Variants in HHAT observed in about 807,000 individuals in gnomAD.
HHAT encodes hedgehog acyltransferase.
In HHAT, 47 loss-of-function variants were observed where a neutral mutation model predicts 70.8. That is an observed-to-expected ratio of 0.66 (90% CI 0.53 to 0.85). The LOEUF (loss-of-function observed/expected upper bound fraction) is 0.85, where lower values mean the gene tolerates loss of function less well. Among genes scored for constraint, HHAT ranks in the 40% least tolerant of loss-of-function variants. The probability of loss-of-function intolerance (pLI) is 0.00; values close to 1 mark genes in which losing one functional copy is unlikely to be tolerated. For synonymous variants in HHAT, 228 were observed against 247.6 expected, an observed-to-expected ratio of 0.92 and a Z score of 0.74; for missense variants, 609 against 604.8, an observed-to-expected ratio of 1.01 and a Z score of -0.07.
intron 3 of HHAT, among the ~76,000 whole-genome samples, chr1:210,382,820 T>G (rs2090746749): frequency 6.6e-6 from 1 of 151,994 alleles, no homozygotes; most frequent in Non-Finnish European, 1.5e-5. Context: ...AGTCAAATAG[T>G]GTTGTGGGGC....
intron 11 of HHAT, among the ~76,000 whole-genome samples, chr1:210,661,536 C>T (rs1439551390): frequency 1.3e-5 from 2 of 152,214 alleles, no homozygotes; most frequent in Non-Finnish European, 2.9e-5. Flanking sequence ...TTTGACCCAG[C>T]CATCCCATTA....
chr1:210,607,731 CT>C (rs1291802257), intron 10 of HHAT, among the ~76,000 whole-genome samples: 72 of 146,702 alleles, frequency 4.9e-4, no homozygotes, highest in Admixed American at 6.1e-4. Flanking sequence ...GTTTTCTTTT[CT>C]TTTTTTTTTT....
At chr1:210,549,125 A>ATT (rs879475456) in intron 9 of HHAT, among the ~76,000 whole-genome samples, 13 of 132,444 alleles carry the variant, frequency 9.8e-5, no homozygotes, top group East Asian at 4.0e-4. Flanking sequence ...AAATTGGGAT[A>ATT]ATAACGGCAT....
intron 11 of HHAT, among the ~76,000 whole-genome samples, chr1:210,671,077 G>A (rs2148984142): frequency 6.6e-6 from 1 of 152,306 alleles, no homozygotes; most frequent in East Asian, 1.9e-4. Flanking sequence ...ACAGCCCTGT[G>A]TGTTACGCGG....
rs117866908 is a variant in HHAT, at chr1:210,465,095, T to C, written c.1007+440T>C. ...CTAAATCTAAGTTTCATTTTTCTTA[T>C]CTCTTAAACAGTAGTAAAGATAATC... On this transcript the variant is annotated intron_variant, in intron 8 of 11. Transcript: ENST00000261458. Among the ~76,000 whole-genome samples, 39 of 152,340 alleles carry C rather than the reference T, an allele frequency of 2.6e-4. No individual in the cohort carries two copies. The East Asian group carries it at 7.3e-3, about 29-fold the overall frequency.
At chr1:210,669,934 TG>T (rs1299720730) in intron 11 of HHAT, among the ~76,000 whole-genome samples, 2 of 145,994 alleles carry the variant, frequency 1.4e-5, no homozygotes, top group Non-Finnish European at 3.0e-5. Context: ...ATAAAAGGAA[TG>T]GGGGTTGGGA....
intron 9 of HHAT, among the ~76,000 whole-genome samples, chr1:210,567,362 G>GGTTA (rs1246740015): frequency 6.6e-6 from 1 of 152,196 alleles, no homozygotes; most frequent in Non-Finnish European, 1.5e-5. Context: ...AGGGAAGTAA[G>GGTTA]TAACCTCTCT....
At chr1:210,347,265 G>A (rs2086606878) in intron 1 of HHAT, among the ~76,000 whole-genome samples, 1 of 151,982 alleles carries the variant, frequency 6.6e-6, no homozygotes, top group South Asian at 2.1e-4. Context: ...TTTTGCTCTG[G>A]CTCAGTTATT....
chr1:210,543,355 T>C (rs998538267), intron 9 of HHAT, among the ~76,000 whole-genome samples: 3 of 152,116 alleles, frequency 2.0e-5, no homozygotes, highest in Non-Finnish European at 2.9e-5. Flanking sequence ...TTTTTCTTTT[T>C]TTTTTTCCTT....
intron 3 of HHAT, among the ~76,000 whole-genome samples, chr1:210,382,478 G>A (rs1382864809): frequency 3.3e-5 from 5 of 152,234 alleles, no homozygotes; most frequent in Middle Eastern, 3.4e-3. Flanking sequence ...CCTGCTCCTC[G>A]CCATTTTAAA....
chr1:210,547,674 A>T (rs1345128452), intron 9 of HHAT, among the ~76,000 whole-genome samples: 1 of 152,228 alleles, frequency 6.6e-6, no homozygotes, highest in Non-Finnish European at 1.5e-5. Context: ...TGTGAGGAAG[A>T]TGATTAAATG....
chr1:210,600,987 C>T (rs2148819499), intron 10 of HHAT, among the ~76,000 whole-genome samples: 1 of 152,114 alleles, frequency 6.6e-6, no homozygotes, highest in Non-Finnish European at 1.5e-5. Flanking sequence ...TATATCCTTT[C>T]TGAAGCAGTA....
At chr1:210,591,009 T>A (rs561274592) in intron 10 of HHAT, among the ~76,000 whole-genome samples, 1 of 152,294 alleles carries the variant, frequency 6.6e-6, no homozygotes, top group South Asian at 2.1e-4. Flanking sequence ...TGTTTAATTA[T>A]CACATGGGGG....
At chr1:210,608,951 G>T (rs1045488489) in intron 10 of HHAT, among the ~76,000 whole-genome samples, 2 of 152,128 alleles carry the variant, frequency 1.3e-5, no homozygotes, top group Admixed American at 1.3e-4. Flanking sequence ...TCTTCACAAG[G>T]CTAAAAGAGG....
intron 3 of HHAT, among the ~76,000 whole-genome samples, chr1:210,380,612 G>GT (rs2090560366): frequency 1.3e-5 from 2 of 152,024 alleles, no homozygotes; most frequent in African/African-American, 2.4e-5. Flanking sequence ...GGTAACCGTA[G>GT]TGGCATATTG....
chr1:210,345,859 G>A (rs758341713), intron 1 of HHAT, among the ~76,000 whole-genome samples: 18 of 151,990 alleles, frequency 1.2e-4, no homozygotes, highest in Non-Finnish European at 2.1e-4. Flanking sequence ...CACGGTGGGC[G>A]GATCTCCTGA....
intron 8 of HHAT, among the ~76,000 whole-genome samples, chr1:210,484,884 G>A (rs945268671): frequency 1.3e-5 from 2 of 152,150 alleles, no homozygotes; most frequent in African/African-American, 4.8e-5. Context: ...GCCCAAATGG[G>A]ATTTGAGAAG....
intron 3 of HHAT, among the ~76,000 whole-genome samples, chr1:210,379,108 C>T (rs1480998175): frequency 6.6e-6 from 1 of 152,214 alleles, no homozygotes; most frequent in Admixed American, 6.5e-5. Context: ...CATCTGCTGC[C>T]ACATAGCTCC....
chr1:210,421,980 A>G (rs959719491), intron 7 of HHAT, among the ~76,000 whole-genome samples: 1 of 151,974 alleles, frequency 6.6e-6, no homozygotes, highest in Non-Finnish European at 1.5e-5. Context: ...TTTATTTATC[A>G]TTTTTACTTT....
Sources: gnomAD v4.1 joint callset for allele counts (sites outside exome capture counted in the v4.1 genomes callset) on GRCh38, gnomAD v4.1.1 for gene constraint, MANE v1.5 for transcripts, NCBI Gene and HGNC (gene_info 2026-07-23, HGNC 2026-07-21) for gene names.